PRKN: variants seen among roughly 807,000 people sequenced by gnomAD.
PRKN encodes parkin RBR E3 ubiquitin protein ligase, also known as E3 ubiquitin-protein ligase parkin.
Under a neutral mutation model 59.5 loss-of-function variants are expected in PRKN, and 56 were observed. The observed-to-expected ratio is 0.94, with a 90% CI of 0.76 to 1.18. The LOEUF (loss-of-function observed/expected upper bound fraction) is 1.18. PRKN is among the 50% of genes most tolerant of loss of function. PRKN has a pLI of 0.00. For missense variants in PRKN, 657 were observed against 596.4 expected, an observed-to-expected ratio of 1.10 and a Z score of -1.06; for synonymous variants, 250 against 222.1, an observed-to-expected ratio of 1.13 and a Z score of -1.12.
intron 6 of PRKN, among the ~76,000 whole-genome samples, chr6:161,885,632 T>C (rs1043318857): frequency 1.4e-5 from 2 of 141,712 alleles, no homozygotes; most frequent in Non-Finnish European, 3.0e-5. Context: ...ACCACTGCAC[T>C]CCAGCCTGGG....
At chr6:162,093,124 T>C (rs1370218059) in intron 4 of PRKN, among the ~76,000 whole-genome samples, 3 of 152,208 alleles carry the variant, frequency 2.0e-5, no homozygotes, top group Non-Finnish European at 4.4e-5. Flanking sequence ...GGCCTACAGA[T>C]AGGGCTATCA....
chr6:162,658,763 T>A (rs1391153499), intron 1 of PRKN, among the ~76,000 whole-genome samples: 2 of 150,246 alleles, frequency 1.3e-5, no homozygotes, highest in Non-Finnish European at 3.0e-5. Context: ...CATCTACACA[T>A]CCCATTCTAA....
At chr6:161,987,084 A>G (rs1781462424) in intron 5 of PRKN, among the ~76,000 whole-genome samples, 1 of 152,226 alleles carries the variant, frequency 6.6e-6, no homozygotes, top group Non-Finnish European at 1.5e-5. Context: ...AGCACAAGCC[A>G]TCATAAACAT....
chr6:162,499,999 A>C (rs995590815), intron 1 of PRKN, among the ~76,000 whole-genome samples: 3 of 152,110 alleles, frequency 2.0e-5, no homozygotes, highest in African/African-American at 7.2e-5. Flanking sequence ...TAAGGATGCC[A>C]TCTAGAACAA....
At chr6:161,785,989 T>C in intron 6 of PRKN, 81 bp from the exon 7 acceptor site, 1 of 1,405,810 alleles carries the variant, frequency 7.1e-7, no homozygotes, top group East Asian at 2.4e-5. Context: ...ATTTCTGTAA[T>C]CCTGGAGGGT....
intron 9 of PRKN, among the ~76,000 whole-genome samples, chr6:161,432,049 G>A (rs1343998942): frequency 6.6e-6 from 1 of 152,178 alleles, no homozygotes; most frequent in African/African-American, 2.4e-5. Flanking sequence ...ACACTGGGGT[G>A]CATTTTAATG....
intron 5 of PRKN, among the ~76,000 whole-genome samples, chr6:162,005,418 G>A (rs1418849912): frequency 6.6e-6 from 1 of 152,084 alleles, no homozygotes; most frequent in African/African-American, 2.4e-5. Context: ...TAAAAATTAA[G>A]TCGACCTCTT....
At position 161,785,879 on chromosome 6, in the gene PRKN, G is replaced by C. The variant is rs1479824956; in HGVS notation, c.764C>G (p.Ser255Cys). The C allele has an allele frequency of 1.2e-6, 2 of 1,614,022 alleles. No homozygotes were observed. Among genetic ancestry groups the C allele is most frequent in the East Asian group, 2.2e-5 (1 of 44,880 alleles). Residue 255 changes from serine to cysteine, a missense_variant, in exon 7 of 12, where the codon TCC becomes TGC. Ser to Cys is a moderately radical substitution (Grantham distance 112). Coordinates refer to ENST00000366898, the MANE Select transcript of PRKN (RefSeq NM_004562.3). Reference protein sequence around the residue: ...RSPVLVFQCNSRHVICLDCFH... With the variant: ...RSPVLVFQCNCRHVICLDCFH... ...ACAGTCTAAGCAAATCACGTGGCGG[G>C]AGTTGCACTGGAAAACCAGGACGGG...
At chr6:162,242,791 A>C (rs1035919811) in intron 3 of PRKN, among the ~76,000 whole-genome samples, 4 of 152,072 alleles carry the variant, frequency 2.6e-5, no homozygotes, top group African/African-American at 9.7e-5. Context: ...TAGTTTCTGG[A>C]CTGCATTTTC....
intron 6 of PRKN, among the ~76,000 whole-genome samples, chr6:161,922,734 T>C (rs1778830909): frequency 6.6e-6 from 1 of 152,168 alleles, no homozygotes; most frequent in Non-Finnish European, 1.5e-5. Flanking sequence ...ATTCTGGAAA[T>C]ACAGGCAATG....
At chr6:161,427,855 C>T (rs1304114928) in intron 9 of PRKN, among the ~76,000 whole-genome samples, 2 of 152,094 alleles carry the variant, frequency 1.3e-5, no homozygotes, top group South Asian at 2.1e-4. Context: ...TGTGGCTCAG[C>T]GATTTGCACT....
At chr6:161,531,163 C>A (rs569310013) in intron 9 of PRKN, among the ~76,000 whole-genome samples, 1 of 151,852 alleles carries the variant, frequency 6.6e-6, no homozygotes, top group East Asian at 2.0e-4. Flanking sequence ...GGGCAGATCA[C>A]GAGGTCAGGA....
At chr6:161,598,766 T>C (rs572822075) in intron 7 of PRKN, among the ~76,000 whole-genome samples, 1 of 152,318 alleles carries the variant, frequency 6.6e-6, no homozygotes, top group Admixed American at 6.5e-5. Flanking sequence ...GTAACATACT[T>C]CTTCCAACTA....
rs891078012 is a variant in PRKN at position 161,388,105 on chromosome 6, G to A, written c.1084-1228C>T. On this transcript the variant is annotated intron_variant, in intron 9 of 11. Transcript: ENST00000366898. The surrounding 1 kb of genome is among the most constrained non-coding windows in gnomAD (Gnocchi z 4.3). The stretch of plus-strand genomic sequence containing the variant: ...AGCCATGCTCTGAAGTTACTGTCAC[G>A]GTTGAGTTGTGGATCAGCAGTGGAA... 5.3e-5 allele frequency among the ~76,000 whole-genome samples: 8 copies of A among 152,184 alleles called. No homozygotes were observed. Among genetic ancestry groups the A allele is most frequent in the South Asian group, 2.1e-4 (1 of 4,830 alleles).
rs955891219 is a variant in PRKN at position 161,405,235 on chromosome 6, G to A, written c.1084-18358C>T. Among the ~76,000 whole-genome samples the A allele has an allele frequency of 3.9e-5, 6 of 152,250 alleles. No homozygotes were observed. Among genetic ancestry groups the A allele is most frequent in the South Asian group, 4.1e-4 (2 of 4,822 alleles). ...GGATTTGGGGGAAAAGTCATTAGTC[G>A]TCATTTGCCATCCTGTGTTCATGCC... On this transcript the variant is annotated intron_variant, in intron 9 of 11. Transcript: ENST00000366898. This position sits in a 1 kb window ranked among gnomAD's most constrained non-coding sequence, Gnocchi z 5.1.
At chr6:161,739,871 C>A (rs1254685834) in intron 7 of PRKN, among the ~76,000 whole-genome samples, 1 of 152,150 alleles carries the variant, frequency 6.6e-6, no homozygotes, top group Non-Finnish European at 1.5e-5. Context: ...TTTCCTACCT[C>A]AGCCTCCTGA....
At chr6:161,854,429 A>G (rs574407842) in intron 6 of PRKN, among the ~76,000 whole-genome samples, 5 of 152,304 alleles carry the variant, frequency 3.3e-5, no homozygotes, top group African/African-American at 9.6e-5. Flanking sequence ...GCCAAAAATG[A>G]AAGCTGCAAA....
intron 9 of PRKN, among the ~76,000 whole-genome samples, chr6:161,539,730 A>G (rs1779551356): frequency 6.6e-6 from 1 of 152,150 alleles, no homozygotes; most frequent in South Asian, 2.1e-4. Context: ...CCTCCCTCAC[A>G]TCATCACTTC....
intron 2 of PRKN, among the ~76,000 whole-genome samples, chr6:162,376,884 G>C (rs1467067163): frequency 1.4e-5 from 2 of 148,074 alleles, no homozygotes; most frequent in East Asian, 2.1e-4. Flanking sequence ...GGGGGAGAGG[G>C]AGAGGGAAAG....
Sources: gnomAD v4.1 joint callset for allele counts (sites outside exome capture counted in the v4.1 genomes callset) on GRCh38, gnomAD v4.1.1 for gene constraint, Gnocchi (gnomAD v3.1) non-coding constraint, MANE v1.5 for transcripts, NCBI Gene and HGNC (gene_info 2026-07-23, HGNC 2026-07-21) for gene names.